The following PTPN9 variants were observed in gnomAD, a reference collection of about 807,000 sequenced individuals.
PTPN9 encodes tyrosine-protein phosphatase non-receptor type 9.
In PTPN9, 26 loss-of-function variants were observed where a neutral mutation model predicts 69.8. The observed-to-expected ratio is 0.37, with a 90% confidence interval of 0.27 to 0.52. The LOEUF (loss-of-function observed/expected upper bound fraction) is 0.52, where lower values mean the gene tolerates loss of function less well. Ranked by LOEUF, PTPN9 falls within the 20% of genes least tolerant of loss-of-function variation. The pLI is 0.91. For synonymous variants in PTPN9, 274 were observed against 272.5 expected (o/e 1.01, Z -0.05); for missense variants, 549 against 740.3 (o/e 0.74, Z 3.00).
At chr15:75,479,355 G>A (rs145093183) in intron 9 of PTPN9, among the ~76,000 whole-genome samples, 1 of 152,282 alleles carries the variant, frequency 6.6e-6, no homozygotes, top group East Asian at 1.9e-4. Context: ...GTATTCCACT[G>A]TCAGACTTAT....
At chr15:75,547,898 T>C (rs1341823595) in intron 1 of PTPN9, among the ~76,000 whole-genome samples, 1 of 152,152 alleles carries the variant, frequency 6.6e-6, no homozygotes, top group African/African-American at 2.4e-5. Flanking sequence ...ACTCCTGATC[T>C]CAAGTGATCC....
At chr15:75,544,668 G>A (rs908084614) in intron 1 of PTPN9, among the ~76,000 whole-genome samples, 2 of 152,198 alleles carry the variant, frequency 1.3e-5, no homozygotes, top group African/African-American at 2.4e-5. Flanking sequence ...ACAAGAACCT[G>A]TAGACAGCTT....
intron 4 of PTPN9, 58 bp from the exon 5 acceptor site, chr15:75,517,422 T>C (rs987863842): frequency 7.0e-7 from 1 of 1,437,678 alleles, no homozygotes; most frequent in Non-Finnish European, 9.7e-7. Context: ...TGAGGCAGGT[T>C]GAAAGCCTAA....
intron 8 of PTPN9, among the ~76,000 whole-genome samples, chr15:75,488,898 G>A (rs577210219): frequency 2.7e-5 from 4 of 150,612 alleles, no homozygotes; most frequent in South Asian, 2.1e-4. Flanking sequence ...TGTCCTGGCC[G>A]GGCCTAGTGG....
Position 75,469,862 on chromosome 15 carries a change from T to C in PTPN9, c.1497A>G (p.Gly499=). Residue 499 remains glycine, a synonymous_variant, in exon 12 of 13, where the codon GGA becomes GGG. Transcript: ENST00000618819. ...CAGGGCACTGCCCTTTGGAGCGTGC[T>C]CCCATGTTGCTCACAGCCAGACTCT... is the stretch of plus-strand genomic sequence containing the variant. The part of the protein sequence containing the change: ...NQQSLAVSNM[G]ARSKGQCPEP... 1 of 1,614,040 alleles carries C rather than the reference T, an allele frequency of 6.2e-7. No homozygotes were observed. The highest frequency in any genetic ancestry group is 1.1e-5 in the South Asian group (1 of 91,076).
At chr15:75,558,991 T>A (rs1278865762) in intron 1 of PTPN9, among the ~76,000 whole-genome samples, 1 of 150,804 alleles carries the variant, frequency 6.6e-6, no homozygotes, top group Non-Finnish European at 1.5e-5. Context: ...TGGCCACCCA[T>A]CGTCTGGGAT....
intron 7 of PTPN9, among the ~76,000 whole-genome samples, chr15:75,497,477 G>C (rs1053614355): frequency 6.6e-6 from 1 of 152,074 alleles, no homozygotes. Context: ...CAACCTATGC[G>C]ACAGAGCAAG....
rs1225547703 is a variant in PTPN9 at position 75,468,215 on chromosome 15, C to T, written c.*554G>A. 6.4e-6 allele frequency: 1 copy of T among 155,250 alleles called. No homozygotes were observed. The highest frequency in any genetic ancestry group is 2.4e-5 in the African/African-American group (1 of 41,400). The allele number at this position is 155,250 out of a possible 1,614,324, so 9.6% of individuals were successfully genotyped here. A position where few individuals can be genotyped will look rare whatever the true frequency, so the allele number is the denominator to read the frequency against. The stretch of plus-strand genomic sequence containing the variant: ...ACATACAATATATATTATATACACA[C>T]GTACATATGGACCCATACACATAAG... On this transcript the variant is annotated 3_prime_UTR_variant, in exon 13 of 13. Transcript: ENST00000618819.
intron 1 of PTPN9, among the ~76,000 whole-genome samples, chr15:75,535,179 G>A (rs1195197167): frequency 1.3e-5 from 2 of 151,822 alleles, no homozygotes; most frequent in Non-Finnish European, 2.9e-5. Flanking sequence ...TGTATTTTTA[G>A]TAGAGACGGG....
intron 12 of PTPN9, 59 bp downstream of exon 12, chr15:75,469,733 T>C: frequency 1.3e-6 from 2 of 1,565,322 alleles, no homozygotes; most frequent in Non-Finnish European, 1.8e-6. Flanking sequence ...AGAGCTTTGT[T>C]TTTCCTCGTC....
chr15:75,559,563 T>C (rs1197111089), intron 1 of PTPN9, among the ~76,000 whole-genome samples: 5 of 152,136 alleles, frequency 3.3e-5, no homozygotes, highest in Non-Finnish European at 7.4e-5. Context: ...GAACAGATGC[T>C]TGAGGGCAGC....
rs756206816 is a variant in PTPN9 at position 75,468,787 on chromosome 15, C to T, written c.1764G>A (p.Leu588=). The T allele has an allele frequency of 6.2e-7, 1 of 1,613,962 alleles. No individual in the cohort carries two copies. The highest frequency in any genetic ancestry group is 8.5e-7 in the Non-Finnish European group (1 of 1,179,954). The change falls in exon 13 of 13, where the codon CTG becomes CTA. Residue 588 remains leucine (L), a synonymous_variant. Transcript: ENST00000618819. ...EGMVSSGQNL[L]AVESQ is the part of the protein sequence containing the mutation. ...AGGAGAGTTACTGACTCTCCACGGC[C>T]AGCAGGTTTTGGCCAGAGGATACCA...
intron 1 of PTPN9, among the ~76,000 whole-genome samples, chr15:75,548,920 T>C (rs2075045661): frequency 6.6e-6 from 1 of 152,042 alleles, no homozygotes; most frequent in Admixed American, 6.6e-5. Context: ...CCCAAAGTAC[T>C]GGGATTATAG....
chr15:75,578,648 G>A, intron 1 of PTPN9, 66 bp downstream of exon 1: 2 of 1,216,292 alleles, frequency 1.6e-6, no homozygotes. Context: ...GCACTCGGGA[G>A]GCAGAGGCCG....
intron 1 of PTPN9, among the ~76,000 whole-genome samples, chr15:75,552,182 TGA>T (rs1164080228): frequency 6.6e-6 from 1 of 151,804 alleles, no homozygotes; most frequent in African/African-American, 2.4e-5. Flanking sequence ...GTGGATCACC[TGA>T]GGTCGGGAGT....
intron 1 of PTPN9, among the ~76,000 whole-genome samples, chr15:75,550,097 A>T (rs1488705831): frequency 6.6e-6 from 1 of 152,088 alleles, no homozygotes; most frequent in Admixed American, 6.6e-5. Context: ...AATGAATTTC[A>T]AAACAGCAGA....
chr15:75,498,680 A>C (rs577195164), intron 7 of PTPN9, among the ~76,000 whole-genome samples: 1 of 152,144 alleles, frequency 6.6e-6, no homozygotes, highest in African/African-American at 2.4e-5. Context: ...GCACCACAGC[A>C]CTCCAGCTTG....
chr15:75,502,188 T>C (rs887269094), intron 7 of PTPN9, among the ~76,000 whole-genome samples: 2 of 152,070 alleles, frequency 1.3e-5, no homozygotes, highest in Non-Finnish European at 2.9e-5. Flanking sequence ...AGATCATACC[T>C]GTAATCCCAG....
chr15:75,515,426 C>CAA (rs34643551), intron 5 of PTPN9, among the ~76,000 whole-genome samples: 236 of 69,054 alleles, frequency 3.4e-3, no homozygotes, highest in Middle Eastern at 0.024. Context: ...GACTCCGTCT[C>CAA]AAAAAAAAAA....
Sources: allele counts gnomAD v4.1 joint callset (sites outside exome capture counted in the v4.1 genomes callset), GRCh38; gene constraint gnomAD v4.1.1; transcripts MANE v1.5; gene names NCBI Gene and HGNC (gene_info 2026-07-23, HGNC 2026-07-21).